Variants in GARRE1 observed in about 807,000 individuals in gnomAD.
The protein encoded by GARRE1 is granule associated Rac and RHOG effector 1.
A neutral mutation model predicts 103.2 loss-of-function variants in GARRE1; 49 were observed. The observed-to-expected ratio is 0.47, with a 90% confidence interval of 0.38 to 0.60. The LOEUF (loss-of-function observed/expected upper bound fraction) is 0.60, where lower values mean the gene tolerates loss of function less well. GARRE1 is among the 20% of genes least tolerant of loss of function. The pLI is 0.00. For synonymous variants in GARRE1, 505 were observed against 532.8 expected (o/e 0.95, Z 0.72); for missense variants, 1,199 against 1,370.5 (o/e 0.87, Z 1.98).
chr19:34,278,444 C>CAAA (rs71165640), intron 1 of GARRE1, among the ~76,000 whole-genome samples: 10 of 57,096 alleles, frequency 1.8e-4, no homozygotes, highest in Non-Finnish European at 2.3e-4. Context: ...GACTCCATCT[C>CAAA]AAAAAAAAAA....
intron 1 of GARRE1, among the ~76,000 whole-genome samples, chr19:34,298,667 G>A (rs1193151385): frequency 3.9e-5 from 6 of 152,022 alleles, no homozygotes; most frequent in African/African-American, 4.8e-5. Context: ...CTGAGACCAC[G>A]CCACTGCACT....
intron 1 of GARRE1, among the ~76,000 whole-genome samples, chr19:34,270,974 T>C (rs1384165940): frequency 6.6e-6 from 1 of 152,096 alleles, no homozygotes; most frequent in Non-Finnish European, 1.5e-5. Context: ...AACCAAAACA[T>C]CTCTAGACAT....
At chr19:34,258,745 G>A (rs933258241) in intron 1 of GARRE1, among the ~76,000 whole-genome samples, 3 of 151,786 alleles carry the variant, frequency 2.0e-5, no homozygotes, top group Admixed American at 6.6e-5. Flanking sequence ...AGCTGAGATC[G>A]TGCCACTGCA....
At chr19:34,279,409 G>C (rs1299069976) in intron 1 of GARRE1, among the ~76,000 whole-genome samples, 1 of 151,702 alleles carries the variant, frequency 6.6e-6, no homozygotes, top group East Asian at 1.9e-4. Flanking sequence ...GGGCTCAGGT[G>C]ATCCTCCCAC....
intron 1 of GARRE1, among the ~76,000 whole-genome samples, chr19:34,293,357 GATCCTCTC>G: frequency 1.3e-5 from 2 of 151,234 alleles, no homozygotes; most frequent in Non-Finnish European, 1.5e-5. Context: ...TGAGTTGTTT[GATCCTCTC>G]TCTCTTGATT....
At chr19:34,331,389 C>T (rs2074137335) in intron 7 of GARRE1, among the ~76,000 whole-genome samples, 1 of 152,028 alleles carries the variant, frequency 6.6e-6, no homozygotes, top group Non-Finnish European at 1.5e-5. Flanking sequence ...GTAGGTCACT[C>T]CTTATCTTCT....
chr19:34,325,536 C>T (rs918229781), intron 3 of GARRE1, among the ~76,000 whole-genome samples: 3 of 152,304 alleles, frequency 2.0e-5, no homozygotes, highest in East Asian at 1.9e-4. Flanking sequence ...TAAGAAAACC[C>T]GGCAGTTCCC....
intron 1 of GARRE1, among the ~76,000 whole-genome samples, chr19:34,276,477 A>G (rs531289784): frequency 1.4e-4 from 22 of 152,246 alleles, no homozygotes; most frequent in Middle Eastern, 3.4e-3. Flanking sequence ...GTTTATGTAC[A>G]TATGTGTATA....
At chr19:34,301,120 A>G in intron 2 of GARRE1, 152 bp downstream of exon 2, 2 of 860,166 alleles carry the variant, frequency 2.3e-6, no homozygotes, top group Admixed American at 5.6e-5. Flanking sequence ...TGTGCGTGCC[A>G]GGTTCTGAAT....
intron 1 of GARRE1, among the ~76,000 whole-genome samples, chr19:34,274,743 C>T (rs1280823280): frequency 6.6e-6 from 1 of 152,078 alleles, no homozygotes; most frequent in African/African-American, 2.4e-5. Context: ...CTCAAAGGGG[C>T]AACTAAGAAT....
At chr19:34,266,479 A>C (rs1239951088) in intron 1 of GARRE1, among the ~76,000 whole-genome samples, 10 of 152,180 alleles carry the variant, frequency 6.6e-5, no homozygotes, top group African/African-American at 2.4e-4. Context: ...CCCCTGCCTC[A>C]GCCTCCTGAG....
chr19:34,347,833 C>T, intron 10 of GARRE1, 44 bp from the exon 11 acceptor site: 2 of 1,463,914 alleles, frequency 1.4e-6, no homozygotes, highest in Non-Finnish European at 1.8e-6. Flanking sequence ...GACCAAGAGG[C>T]CAGTTTGTCC....
intron 1 of GARRE1, among the ~76,000 whole-genome samples, chr19:34,274,940 T>C (rs552002626): frequency 1.2e-4 from 19 of 152,242 alleles, no homozygotes; most frequent in Non-Finnish European, 2.6e-4. Flanking sequence ...TTTAAATTTA[T>C]GAATGTTGAG....
At chr19:34,291,913 A>G (rs1040627354) in intron 1 of GARRE1, among the ~76,000 whole-genome samples, 5 of 150,622 alleles carry the variant, frequency 3.3e-5, no homozygotes, top group Non-Finnish European at 5.9e-5. Context: ...AGGCTGGAGT[A>G]CAGTGGCACC....
At chr19:34,347,636 C>T (rs760175734) in intron 10 of GARRE1, among the ~76,000 whole-genome samples, 92 of 152,328 alleles carry the variant, frequency 6.0e-4, no homozygotes, top group Non-Finnish European at 1.1e-3. Context: ...CTGCCTCTAT[C>T]CTAGGCATAG....
chr19:34,301,895 G>T (rs562095468), intron 2 of GARRE1, among the ~76,000 whole-genome samples: 1 of 150,312 alleles, frequency 6.7e-6, no homozygotes, highest in Middle Eastern at 3.4e-3. Context: ...ATGTTAGCCA[G>T]GATGGTCTCG....
At chr19:34,318,108 G>T (rs1284573468) in intron 2 of GARRE1, among the ~76,000 whole-genome samples, 1 of 152,156 alleles carries the variant, frequency 6.6e-6, no homozygotes, top group African/African-American at 2.4e-5. Flanking sequence ...GCTTTAGTTT[G>T]GTCCTGGTGA....
At chr19:34,338,158 C>A (rs1476719010) in intron 8 of GARRE1, among the ~76,000 whole-genome samples, 1 of 152,144 alleles carries the variant, frequency 6.6e-6, no homozygotes. Flanking sequence ...GTTGAGTTCA[C>A]CATTTAGCTT....
intron 1 of GARRE1, among the ~76,000 whole-genome samples, chr19:34,267,833 G>C (rs1167594372): frequency 1.3e-5 from 2 of 151,282 alleles, no homozygotes; most frequent in Non-Finnish European, 2.9e-5. Context: ...GAGTGCAGTG[G>C]GGTAATCTTG....
Sources: allele counts gnomAD v4.1 joint callset (sites outside exome capture counted in the v4.1 genomes callset), GRCh38; gene constraint gnomAD v4.1.1; transcripts MANE v1.5; gene names NCBI Gene and HGNC (gene_info 2026-07-23, HGNC 2026-07-21).